The following DNAAF19 variants were observed in gnomAD, a reference collection of about 807,000 sequenced individuals.
The protein encoded by DNAAF19 is dynein axonemal assembly factor 19.
At chr17:44,905,049 G>C in the DNAAF19 span, 1 of 1,545,526 alleles carries the variant, frequency 6.5e-7, no homozygotes, top group South Asian at 1.2e-5. Context: ...TTATTTCACT[G>C]TTGTCCCAGC....
At chr17:44,905,220 G>A in the DNAAF19 span, 1 of 661,882 alleles carries the variant, frequency 1.5e-6, no homozygotes, top group Non-Finnish European at 2.6e-6. Context: ...TCATGGGCAG[G>A]TCTGGGACCT....
the DNAAF19 span, chr17:44,905,247 G>A: frequency 1.6e-6 from 1 of 610,326 alleles, no homozygotes; most frequent in South Asian, 2.1e-5. Flanking sequence ...AGAAGTGGAG[G>A]GGCCTGAGGC....
At chr17:44,901,717 T>C in the DNAAF19 span, 2 of 1,565,514 alleles carry the variant, frequency 1.3e-6, no homozygotes, top group Non-Finnish European at 1.7e-6. Context: ...ATCCTGTTTT[T>C]TCATTTTGTT....
At chr17:44,904,351 A>G in the DNAAF19 span, 1 of 1,542,844 alleles carries the variant, frequency 6.5e-7, no homozygotes, top group African/African-American at 1.4e-5. Context: ...CCTTCTGGGA[A>G]TGGACCCCCT....
the DNAAF19 span, chr17:44,902,984 C>T: frequency 6.1e-5 from 87 of 1,430,850 alleles, no homozygotes; most frequent in Non-Finnish European, 7.8e-5. Context: ...TTCTCCAGTC[C>T]CTCAGTGTCT....
the DNAAF19 span, among the ~76,000 whole-genome samples, chr17:44,900,217 AC>A: frequency 6.7e-6 from 1 of 149,460 alleles, no homozygotes; most frequent in Non-Finnish European, 1.5e-5. Flanking sequence ...AATTGCTTGA[AC>A]CCCGGAGGCA....
the DNAAF19 span, chr17:44,904,356 C>A: frequency 1.2e-4 from 191 of 1,542,594 alleles, 2 homozygotes; most frequent in Admixed American, 3.6e-3. Flanking sequence ...TGGGAATGGA[C>A]CCCCTGTGAC....
the DNAAF19 span, chr17:44,904,521 C>G: frequency 6.5e-7 from 1 of 1,550,362 alleles, no homozygotes; most frequent in Admixed American, 2.0e-5. Flanking sequence ...AGGGACCACA[C>G]GCCTGAGGTG....
At chr17:44,900,433 T>C in the DNAAF19 span, among the ~76,000 whole-genome samples, 1 of 152,028 alleles carries the variant, frequency 6.6e-6, no homozygotes, top group African/African-American at 2.4e-5. Flanking sequence ...CAGAGGGATT[T>C]GGGGATGGGG....
At chr17:44,901,969 T>A in the DNAAF19 span, among the ~76,000 whole-genome samples, 1 of 152,162 alleles carries the variant, frequency 6.6e-6, no homozygotes, top group South Asian at 2.1e-4. Context: ...TGGTGTCTAG[T>A]GTAATGATCC....
At chr17:44,903,070 A>T in the DNAAF19 span, 1 of 1,367,758 alleles carries the variant, frequency 7.3e-7, no homozygotes, top group South Asian at 1.9e-5. Context: ...TCCCACCCTT[A>T]GAGTCTGCCA....
chr17:44,900,608 C>T, the DNAAF19 span, among the ~76,000 whole-genome samples: 2 of 152,142 alleles, frequency 1.3e-5, no homozygotes, highest in Non-Finnish European at 2.9e-5. Flanking sequence ...TGTGAGGTCC[C>T]CTGTCGAAAC....
the DNAAF19 span, chr17:44,902,551 G>C: frequency 1.2e-6 from 2 of 1,614,230 alleles, no homozygotes; most frequent in Non-Finnish European, 1.7e-6. Flanking sequence ...GGCTGATCAC[G>C]TGGGGCCGGC....
chr17:44,904,742 C>A, the DNAAF19 span: 4 of 1,550,622 alleles, frequency 2.6e-6, no homozygotes, highest in South Asian at 4.8e-5. Flanking sequence ...CAAAGACCGC[C>A]AGCACCTCTA....
chr17:44,904,231 C>G, the DNAAF19 span: 2 of 1,550,572 alleles, frequency 1.3e-6, no homozygotes, highest in Non-Finnish European at 1.7e-6. Context: ...ACTACTTTTA[C>G]GCCTACGATG....
chr17:44,904,702 G>A, the DNAAF19 span: 1 of 1,550,562 alleles, frequency 6.4e-7, no homozygotes, highest in East Asian at 2.4e-5. Flanking sequence ...CCTGTCCTGG[G>A]GCCCGGCCAG....
the DNAAF19 span, chr17:44,904,582 G>A: frequency 3.2e-6 from 5 of 1,550,482 alleles, no homozygotes; most frequent in Non-Finnish European, 4.4e-6. Context: ...CCATCCGGGA[G>A]GGCGTGCTGG....
the DNAAF19 span, chr17:44,902,553 GGGGCCGGCTGACC>G: frequency 6.2e-7 from 1 of 1,614,218 alleles, no homozygotes; most frequent in Non-Finnish European, 8.5e-7. Context: ...CTGATCACGT[GGGGCCGGCTGACC>G]GGGCAGCGGT....
chr17:44,904,690 C>T, the DNAAF19 span: 3 of 1,550,602 alleles, frequency 1.9e-6, no homozygotes, highest in Non-Finnish European at 2.6e-6. Context: ...GACTCATCAT[C>T]TCCTGTCCTG....
Sources: gnomAD v4.1 joint callset for allele counts (sites outside exome capture counted in the v4.1 genomes callset) on GRCh38, gnomAD v4.1.1 for gene constraint, MANE v1.5 for transcripts, NCBI Gene and HGNC (gene_info 2026-07-23, HGNC 2026-07-21) for gene names.